The following UBAC2 variants were observed in gnomAD, a reference collection of about 807,000 sequenced individuals.
UBAC2 encodes UBA domain containing 2.
A neutral mutation model predicts 44.0 loss-of-function variants in UBAC2; 26 were observed. That is an observed-to-expected ratio of 0.59 (90% CI 0.43 to 0.82). UBAC2 has a LOEUF of 0.82. Among genes scored for constraint, UBAC2 ranks in the 40% least tolerant of loss-of-function variants. The pLI is 0.00. For synonymous variants in UBAC2, 155 were observed against 154.3 expected, an observed-to-expected ratio of 1.00 and a Z score of -0.04; for missense variants, 329 against 419.4, an observed-to-expected ratio of 0.78 and a Z score of 1.88.
rs1445873288 is a variant in UBAC2, at chr13:99,348,459, C to T, written c.807+7894C>T. Among the ~76,000 whole-genome samples, 12 of 152,272 alleles carry T rather than the reference C, an allele frequency of 7.9e-5. No homozygotes were observed. The East Asian group carries it at 9.6e-4, about 12-fold the overall frequency. On this transcript the variant is annotated intron_variant, in intron 7 of 8. Transcript: ENST00000403766. Reference sequence around the variant, plus strand: ...AGTCACGGGGGGCCTTATGAAAAAACGCACAGGGGCTCAAAACAGCTGTGG... The same window carrying T: ...AGTCACGGGGGGCCTTATGAAAAAATGCACAGGGGCTCAAAACAGCTGTGG...
At chr13:99,289,579 G>A (rs1371352323) in intron 4 of UBAC2, among the ~76,000 whole-genome samples, 1 of 152,100 alleles carries the variant, frequency 6.6e-6, no homozygotes, top group Admixed American at 6.5e-5. Context: ...ACTGGATAGT[G>A]TCTGCATTTT....
rs115823816 is a variant in UBAC2, at chr13:99,369,441, G to A, written c.927+1535G>A. On this transcript the variant is annotated intron_variant, in intron 8 of 8. Transcript: ENST00000403766. ...CCGTTCTGTTTTTCACTTGCAGCAC[G>A]ATACTCAATAATTACATGAGATAGT... Among the ~76,000 whole-genome samples the A allele has an allele frequency of 2.2e-3, 342 of 152,254 alleles. 2 individuals are homozygous for A. Among genetic ancestry groups the A allele is most frequent in the African/African-American group, 7.8e-3 (326 of 41,538 alleles).
chr13:99,268,554 G>A (rs143557998), intron 4 of UBAC2, among the ~76,000 whole-genome samples: 1 of 134,856 alleles, frequency 7.4e-6, no homozygotes, highest in African/African-American at 2.9e-5. Flanking sequence ...GCTGCAGTGA[G>A]CCATGATCCT....
At position 99,329,176 on chromosome 13, in the gene UBAC2, C is replaced by T. The variant is rs529892075; in HGVS notation, c.561+11107C>T. On this transcript the variant is annotated intron_variant, in intron 6 of 8. Transcript: ENST00000403766. ...TGTCTGTCCTTACGCCAATACCACA[C>T]TGCACTGATGACTACAGCTTTATGG... Among the ~76,000 whole-genome samples, 5 of 152,360 alleles carry T rather than the reference C, an allele frequency of 3.3e-5. 1 individual carries two copies. The South Asian group carries it at 8.3e-4, about 25-fold the overall frequency.
chr13:99,289,073 C>A (rs1413090817), intron 4 of UBAC2, among the ~76,000 whole-genome samples: 1 of 152,196 alleles, frequency 6.6e-6, no homozygotes, highest in African/African-American at 2.4e-5. Context: ...ACTTCACTGA[C>A]AAGACAATTG....
intron 4 of UBAC2, among the ~76,000 whole-genome samples, chr13:99,249,998 C>G (rs1451394453): frequency 6.6e-6 from 1 of 152,114 alleles, no homozygotes; most frequent in African/African-American, 2.4e-5. Context: ...TATTTTCTCC[C>G]ATTTTATAGG....
At chr13:99,284,567 A>C (rs551977033) in intron 4 of UBAC2, among the ~76,000 whole-genome samples, 1 of 152,346 alleles carries the variant, frequency 6.6e-6, no homozygotes, top group East Asian at 1.9e-4. Context: ...AGTTGTAGAC[A>C]TAATGTCCCT....
rs1232472049 is a variant in UBAC2 at position 99,342,819 on chromosome 13, C to T, written c.807+2254C>T. On this transcript the variant is annotated intron_variant, in intron 7 of 8. Transcript: ENST00000403766. Reference sequence around the variant, plus strand: ...AGCAGATCCACACGTGTAATTGCCTCAGGCCACTTCTCTTCACACAGAGTT... The same window carrying T: ...AGCAGATCCACACGTGTAATTGCCTTAGGCCACTTCTCTTCACACAGAGTT... 2.0e-5 allele frequency among the ~76,000 whole-genome samples: 3 copies of T among 152,214 alleles called. No homozygotes were observed. The East Asian group carries it at 5.8e-4, about 29-fold the overall frequency.
At chr13:99,346,031 G>A (rs1378988771) in intron 7 of UBAC2, among the ~76,000 whole-genome samples, 4 of 152,088 alleles carry the variant, frequency 2.6e-5, no homozygotes, top group Admixed American at 6.5e-5. Flanking sequence ...GTGAGCCACC[G>A]CACACAGCCG....
At chr13:99,287,643 C>CTTTTTTTTTTTTT (rs11304203) in intron 4 of UBAC2, among the ~76,000 whole-genome samples, 3 of 95,152 alleles carry the variant, frequency 3.2e-5, no homozygotes, top group South Asian at 3.9e-4. Flanking sequence ...TTTTTTCTTT[C>CTTTTTTTTTTTTT]TTTTTTTTTT....
chr13:99,305,538 C>T (rs1044332695), intron 4 of UBAC2, among the ~76,000 whole-genome samples: 4 of 152,040 alleles, frequency 2.6e-5, no homozygotes, highest in South Asian at 2.1e-4. Context: ...CTATAGAATG[C>T]TACAGAACCA....
chr13:99,239,131 T>C (rs1197124812), intron 2 of UBAC2, among the ~76,000 whole-genome samples: 1 of 152,226 alleles, frequency 6.6e-6, no homozygotes, highest in Admixed American at 6.5e-5. Flanking sequence ...ACTGCTACCC[T>C]TTCTTTGCTA....
At chr13:99,245,471 T>TA (rs1386270076) in intron 4 of UBAC2, among the ~76,000 whole-genome samples, 15 of 151,942 alleles carry the variant, frequency 9.9e-5, no homozygotes, top group Admixed American at 3.3e-4. Context: ...TGATCTTCTT[T>TA]AAAAAAAACA....
intron 6 of UBAC2, among the ~76,000 whole-genome samples, chr13:99,325,800 C>T (rs1175539450): frequency 2.0e-5 from 3 of 152,160 alleles, no homozygotes; most frequent in Non-Finnish European, 2.9e-5. Context: ...TTTGTCTTTC[C>T]GTGACTGGCT....
chr13:99,231,435 T>TG (rs1333614324), intron 1 of UBAC2: 1 of 125,088 alleles, frequency 8.0e-6, no homozygotes, highest in Non-Finnish European at 1.6e-5. Flanking sequence ...TTTTTTGAGA[T>TG]GGAGTTTCTC....
intron 4 of UBAC2, among the ~76,000 whole-genome samples, chr13:99,263,125 G>A (rs2043692060): frequency 6.6e-6 from 1 of 152,018 alleles, no homozygotes; most frequent in African/African-American, 2.4e-5. Flanking sequence ...ATTATACTTC[G>A]TTTTAGTAAT....
At chr13:99,242,815 G>C in intron 2 of UBAC2, among the ~76,000 whole-genome samples, 1 of 143,028 alleles carries the variant, frequency 7.0e-6, no homozygotes, top group Non-Finnish European at 1.5e-5. Context: ...CCGGGCGGAG[G>C]GGCTCCTCAC....
At chr13:99,309,589 G>T (rs1162528659) in intron 4 of UBAC2, among the ~76,000 whole-genome samples, 1 of 152,082 alleles carries the variant, frequency 6.6e-6, no homozygotes, top group African/African-American at 2.4e-5. Flanking sequence ...AGTAGAGTTG[G>T]CCTTTACAGT....
intron 7 of UBAC2, among the ~76,000 whole-genome samples, chr13:99,346,488 T>G (rs1382037752): frequency 6.6e-6 from 1 of 152,242 alleles, no homozygotes; most frequent in African/African-American, 2.4e-5. Flanking sequence ...GTGCAAGCCC[T>G]TAGGCCAGCC....
Sources: allele counts gnomAD v4.1 joint callset (sites outside exome capture counted in the v4.1 genomes callset), GRCh38; gene constraint gnomAD v4.1.1; transcripts MANE v1.5; gene names NCBI Gene and HGNC (gene_info 2026-07-23, HGNC 2026-07-21).